The following PCSK5 variants were observed in gnomAD, a reference collection of about 807,000 sequenced individuals.
The protein encoded by PCSK5 is proprotein convertase subtilisin/kexin type 5, also known as prohormone convertase 5.
Under a neutral mutation model 233.2 loss-of-function variants are expected in PCSK5, and 129 were observed. That is an observed-to-expected ratio of 0.55 (90% confidence interval 0.48 to 0.64). The LOEUF (loss-of-function observed/expected upper bound fraction) is 0.64, where lower values mean the gene tolerates loss of function less well. PCSK5 is among the 30% of genes least tolerant of loss of function. The pLI is 0.00. For synonymous variants in PCSK5, 825 were observed against 879.2 expected (o/e 0.94, Z 1.09); for missense variants, 2,076 against 2,430.1 (o/e 0.85, Z 3.06).
intron 12 of PCSK5, among the ~76,000 whole-genome samples, chr9:76,161,878 T>C (rs557410621): frequency 6.6e-6 from 1 of 152,206 alleles, no homozygotes; most frequent in Non-Finnish European, 1.5e-5. Context: ...CGACGTGCGG[T>C]GACCGGCACT....
At chr9:76,052,470 T>A (rs1257953940) in intron 5 of PCSK5, among the ~76,000 whole-genome samples, 1 of 152,122 alleles carries the variant, frequency 6.6e-6, no homozygotes, top group African/African-American at 2.4e-5. Context: ...GCAGGGAAAC[T>A]GCTCTTTATA....
At chr9:76,262,921 A>T (rs1827223920) in intron 24 of PCSK5, among the ~76,000 whole-genome samples, 1 of 151,802 alleles carries the variant, frequency 6.6e-6, no homozygotes, top group Non-Finnish European at 1.5e-5. Flanking sequence ...GAACTCAAAC[A>T]AATTTACAAG....
chr9:75,908,597 T>G (rs1283247994), intron 1 of PCSK5, among the ~76,000 whole-genome samples: 2 of 152,204 alleles, frequency 1.3e-5, no homozygotes, highest in African/African-American at 4.8e-5. Context: ...TGCCATTCTG[T>G]GCACATGAAC....
At chr9:76,097,739 G>T (rs554050271) in intron 8 of PCSK5, among the ~76,000 whole-genome samples, 2 of 152,332 alleles carry the variant, frequency 1.3e-5, no homozygotes, top group East Asian at 3.9e-4. Flanking sequence ...AATGAGGAAG[G>T]CAGTAAAAAG....
At chr9:76,283,488 T>C (rs1374383316) in intron 24 of PCSK5, among the ~76,000 whole-genome samples, 1 of 152,236 alleles carries the variant, frequency 6.6e-6, no homozygotes, top group Non-Finnish European at 1.5e-5. Flanking sequence ...AAGGTATGTA[T>C]ATTTTTTAGA....
At chr9:75,940,928 T>C (rs1824274466) in intron 2 of PCSK5, among the ~76,000 whole-genome samples, 1 of 152,208 alleles carries the variant, frequency 6.6e-6, no homozygotes, top group Non-Finnish European at 1.5e-5. Flanking sequence ...CTTATTTAGT[T>C]AAAAATAAGT....
chr9:76,230,432 C>G (rs1826041810), intron 21 of PCSK5, among the ~76,000 whole-genome samples: 1 of 152,206 alleles, frequency 6.6e-6, no homozygotes. Flanking sequence ...TCTCCTATTT[C>G]TGAGTGGTTT....
chr9:75,988,098 A>G (rs1034093248), intron 3 of PCSK5, among the ~76,000 whole-genome samples: 2 of 152,156 alleles, frequency 1.3e-5, no homozygotes, highest in African/African-American at 4.8e-5. Context: ...ACTCTGAAGA[A>G]CCACTATTAT....
intron 6 of PCSK5, among the ~76,000 whole-genome samples, chr9:76,070,851 C>T (rs1351614731): frequency 6.6e-6 from 1 of 152,002 alleles, no homozygotes; most frequent in African/African-American, 2.4e-5. Context: ...ACAAGGTTTT[C>T]CTAAGGATTA....
At chr9:76,227,134 C>T (rs1825920514) in intron 20 of PCSK5, among the ~76,000 whole-genome samples, 1 of 152,104 alleles carries the variant, frequency 6.6e-6, no homozygotes, top group African/African-American at 2.4e-5. Flanking sequence ...GACTATACGG[C>T]CCTCTGTGGA....
At chr9:76,317,164 C>A (rs1181070705) in intron 30 of PCSK5, among the ~76,000 whole-genome samples, 6 of 152,060 alleles carry the variant, frequency 3.9e-5, no homozygotes, top group Non-Finnish European at 8.8e-5. Flanking sequence ...AGTTTGAGAC[C>A]AGCCTGGCCA....
chr9:76,302,899 A>G (rs1371456383), intron 28 of PCSK5, among the ~76,000 whole-genome samples: 1 of 150,826 alleles, frequency 6.6e-6, no homozygotes, highest in Non-Finnish European at 1.5e-5. Flanking sequence ...CTTGCTTTAT[A>G]TAGTTTAGCT....
chr9:76,190,620 ATTTGGATT>A (rs1824329772), intron 20 of PCSK5, among the ~76,000 whole-genome samples: 1 of 142,188 alleles, frequency 7.0e-6, no homozygotes, highest in Admixed American at 7.3e-5. Flanking sequence ...ATCTCCTATT[ATTTGGATT>A]GTTTATAATT....
chr9:76,188,432 A>C, intron 17 of PCSK5, 146 bp from the exon 18 acceptor site: 1 of 594,202 alleles, frequency 1.7e-6, no homozygotes, highest in South Asian at 2.2e-5. Context: ...AAAAGGGTAC[A>C]CGGGCTATTT....
chr9:76,354,592 C>A (rs557838400), intron 37 of PCSK5, among the ~76,000 whole-genome samples: 3 of 152,162 alleles, frequency 2.0e-5, no homozygotes, highest in South Asian at 4.1e-4. Flanking sequence ...CCAGCCTGAG[C>A]AACATGGCAA....
At chr9:76,037,480 A>C (rs1828913269) in intron 5 of PCSK5, among the ~76,000 whole-genome samples, 1 of 152,064 alleles carries the variant, frequency 6.6e-6, no homozygotes, top group Admixed American at 6.6e-5. Flanking sequence ...TACAGGTGAC[A>C]GTAAGTAAAG....
intron 20 of PCSK5, chr9:76,193,535 TAAATG>T: frequency 1.9e-6 from 1 of 517,382 alleles, no homozygotes; most frequent in Non-Finnish European, 3.3e-6. Flanking sequence ...TGTCAGAACT[TAAATG>T]GAAAAAAAAA....
intron 5 of PCSK5, among the ~76,000 whole-genome samples, chr9:76,064,070 C>G (rs1830149001): frequency 8.8e-6 from 1 of 113,798 alleles, no homozygotes; most frequent in Admixed American, 7.7e-5. Flanking sequence ...CCTCACTTCC[C>G]AGTAGGGGCA....
intron 4 of PCSK5, among the ~76,000 whole-genome samples, chr9:76,025,402 A>G (rs990272926): frequency 5.6e-5 from 4 of 71,844 alleles, no homozygotes; most frequent in African/African-American, 8.7e-5. Context: ...AAAAATGAGG[A>G]GAGAGAGAGA....
Sources: gnomAD v4.1 joint callset for allele counts (sites outside exome capture counted in the v4.1 genomes callset) on GRCh38, gnomAD v4.1.1 for gene constraint, MANE v1.5 for transcripts, NCBI Gene and HGNC (gene_info 2026-07-23, HGNC 2026-07-21) for gene names.